STAU2: variants seen among roughly 807,000 people sequenced by gnomAD.
The protein encoded by STAU2 is staufen double-stranded RNA binding protein 2, also known as double-stranded RNA-binding protein Staufen homolog 2.
A neutral mutation model predicts 65.9 loss-of-function variants in STAU2; 20 were observed. That is an observed-to-expected ratio of 0.30 (90% CI 0.21 to 0.44). The LOEUF is 0.44. Ranked by LOEUF, STAU2 falls within the 20% of genes least tolerant of loss-of-function variation. The pLI is 1.00. For synonymous variants in STAU2, 232 were observed against 233.9 expected (o/e 0.99, Z 0.07); for missense variants, 558 against 683.9 (o/e 0.82, Z 2.05).
chr8:73,459,551 A>AG (rs911517081), intron 13 of STAU2, among the ~76,000 whole-genome samples: 11 of 152,254 alleles, frequency 7.2e-5, no homozygotes, highest in Non-Finnish European at 1.5e-4. Context: ...CCTGTCAGGA[A>AG]GGGGGGCCTC....
chr8:73,551,914 C>T (rs1290739185), intron 13 of STAU2, 98 bp downstream of exon 13: 4 of 1,422,394 alleles, frequency 2.8e-6, no homozygotes, highest in Non-Finnish European at 2.8e-6. Flanking sequence ...GGCATGTAGG[C>T]CATACTAGCA....
chr8:73,504,632 G>T (rs527678681), intron 13 of STAU2, among the ~76,000 whole-genome samples: 2 of 152,086 alleles, frequency 1.3e-5, no homozygotes, highest in East Asian at 1.9e-4. Context: ...GCCACCTAGT[G>T]GGGGAGGCAG....
chr8:73,617,278 C>G lies in STAU2; in HGVS notation c.570+14G>C, dbSNP rs563320239. 6.2e-7 allele frequency: 1 copy of G among 1,612,394 alleles called. No homozygotes were observed. The highest frequency in any genetic ancestry group is 1.3e-5 in the African/African-American group (1 of 74,988). On this transcript the variant is annotated intron_variant, in intron 7 of 14. Coordinates refer to ENST00000524300, the MANE Select transcript of STAU2 (RefSeq NM_001164380.2). ...AGTAGAAAGAACAGACTGTCACATGCAGCAGCACCACACCTGAGGAGATCT... is the reference window on the plus strand; with the variant it reads ...AGTAGAAAGAACAGACTGTCACATGGAGCAGCACCACACCTGAGGAGATCT...
rs1817636516 is a variant in STAU2, at chr8:73,435,726, T to C, written c.1531-13024A>G. Among the ~76,000 whole-genome samples, 4 of 152,018 alleles carry C rather than the reference T, an allele frequency of 2.6e-5. No individual in the cohort carries two copies. The South Asian group carries it at 8.3e-4, about 31-fold the overall frequency. On this transcript the variant is annotated intron_variant, in intron 13 of 14. Transcript: ENST00000524300. ...TCAGTCATCTGAGATCTCAATCTTC[T>C]CTCATCTTCGAGGTCTGAAACAAGT...
At chr8:73,589,247 A>T (rs1157946056) in intron 11 of STAU2, among the ~76,000 whole-genome samples, 2 of 152,212 alleles carry the variant, frequency 1.3e-5, no homozygotes, top group African/African-American at 4.8e-5. Context: ...AGAGAGACAT[A>T]TGCTGATTTC....
chr8:73,591,664 A>C (rs555845326), intron 11 of STAU2, among the ~76,000 whole-genome samples: 7 of 152,156 alleles, frequency 4.6e-5, no homozygotes, highest in African/African-American at 1.7e-4. Flanking sequence ...AACTGTATAC[A>C]TATATAACAA....
chr8:73,616,722 C>T (rs926048224), intron 7 of STAU2, among the ~76,000 whole-genome samples: 8 of 151,908 alleles, frequency 5.3e-5, no homozygotes, highest in African/African-American at 1.2e-4. Flanking sequence ...CGCTTGAACC[C>T]GGGAGGCAGA....
intron 13 of STAU2, among the ~76,000 whole-genome samples, chr8:73,529,814 A>G (rs1418874144): frequency 2.6e-5 from 4 of 152,216 alleles, no homozygotes; most frequent in African/African-American, 9.7e-5. Flanking sequence ...ACAGCACCCA[A>G]TGATGTGACA....
chr8:73,675,447 A>G (rs1230014142), intron 5 of STAU2: 1 of 152,012 alleles, frequency 6.6e-6, no homozygotes, highest in Non-Finnish European at 1.5e-5. Context: ...CTTACTATTC[A>G]ACAACAAAAC....
rs189037143 is a variant in STAU2, at chr8:73,614,747, C to T, written c.679-791G>A. Among the ~76,000 whole-genome samples, 14 of 145,192 alleles carry T rather than the reference C, an allele frequency of 9.6e-5. No individual in the cohort carries two copies. In the East Asian group the frequency reaches 1.3e-3, roughly 14 times the overall value. ...AACTGTCTGTTCTTACTCATTGTAGCCTTTAAAAAAAATCCCAATAATTTT... is the reference window on the plus strand; with the variant it reads ...AACTGTCTGTTCTTACTCATTGTAGTCTTTAAAAAAAATCCCAATAATTTT... On this transcript the variant is annotated intron_variant, in intron 8 of 14. Coordinates refer to ENST00000524300, the MANE Select transcript of STAU2 (RefSeq NM_001164380.2).
chr8:73,549,799 T>C (rs1032942522), intron 13 of STAU2: 1 of 985,292 alleles, frequency 1.0e-6, no homozygotes, highest in Admixed American at 6.2e-5. Flanking sequence ...AGAAAAAGAA[T>C]TTATTGTTTT....
chr8:73,521,567 A>C (rs1823041222), intron 13 of STAU2, among the ~76,000 whole-genome samples: 1 of 152,180 alleles, frequency 6.6e-6, no homozygotes. Context: ...CAATGATTCA[A>C]CTTATGATTT....
At chr8:73,442,479 C>T (rs992056334) in intron 13 of STAU2, among the ~76,000 whole-genome samples, 2 of 151,946 alleles carry the variant, frequency 1.3e-5, no homozygotes, top group South Asian at 2.1e-4. Flanking sequence ...TTTAACCATA[C>T]GAAGAGATTT....
chr8:73,553,673 T>C (rs549839070), intron 12 of STAU2, among the ~76,000 whole-genome samples: 1 of 152,130 alleles, frequency 6.6e-6, no homozygotes, highest in African/African-American at 2.4e-5. Flanking sequence ...TCATTTCCAA[T>C]GACCTGTCTT....
chr8:73,476,718 G>A (rs183202402), intron 13 of STAU2, among the ~76,000 whole-genome samples: 12 of 152,264 alleles, frequency 7.9e-5, no homozygotes, highest in African/African-American at 2.2e-4. Flanking sequence ...TCATCCTAAG[G>A]CCCTCAGATC....
chr8:73,732,684 A>G (rs1306066855), intron 3 of STAU2: 20 of 152,330 alleles, frequency 1.3e-4, no homozygotes, highest in Non-Finnish European at 2.9e-5. Context: ...AGCAACTTTT[A>G]AGAGAAAAGA....
At chr8:73,636,527 C>CTG (rs982285232) in intron 6 of STAU2, among the ~76,000 whole-genome samples, 1 of 151,922 alleles carries the variant, frequency 6.6e-6, no homozygotes, top group Non-Finnish European at 1.5e-5. Flanking sequence ...AGAAAAAAAA[C>CTG]TGTAAGCAGA....
chr8:73,535,535 T>C (rs1171870049), intron 13 of STAU2, among the ~76,000 whole-genome samples: 1 of 152,152 alleles, frequency 6.6e-6, no homozygotes, highest in African/African-American at 2.4e-5. Flanking sequence ...AGTTAGGACA[T>C]AAATTACACT....
chr8:73,492,729 T>C (rs1023630239), intron 13 of STAU2, among the ~76,000 whole-genome samples: 9 of 151,824 alleles, frequency 5.9e-5, no homozygotes, highest in Admixed American at 4.6e-4. Context: ...GATTTATACA[T>C]CAAAATGAAA....
Sources: gnomAD v4.1 joint callset for allele counts (sites outside exome capture counted in the v4.1 genomes callset) on GRCh38, gnomAD v4.1.1 for gene constraint, MANE v1.5 for transcripts, NCBI Gene and HGNC (gene_info 2026-07-23, HGNC 2026-07-21) for gene names.